The following APBA2 variants were observed in gnomAD, a reference collection of about 807,000 sequenced individuals.
APBA2 encodes amyloid beta precursor protein binding family A member 2.
Under a neutral mutation model 75.0 loss-of-function variants are expected in APBA2, and 30 were observed. The observed-to-expected ratio is 0.40, with a 90% CI of 0.30 to 0.54. APBA2 has a LOEUF of 0.54. Among genes scored for constraint, APBA2 ranks in the 20% least tolerant of loss-of-function variants. The probability of loss-of-function intolerance (pLI) is 0.49; values close to 1 mark genes in which losing one functional copy is unlikely to be tolerated. For synonymous variants in APBA2, 444 were observed against 409.6 expected (o/e 1.08, Z -1.01); for missense variants, 801 against 1,016.1 (o/e 0.79, Z 2.88).
chr15:29,091,940 C>T (rs1001380841), intron 6 of APBA2, among the ~76,000 whole-genome samples: 2 of 152,130 alleles, frequency 1.3e-5, no homozygotes, highest in Non-Finnish European at 2.9e-5. Flanking sequence ...CCAAAATCCC[C>T]AGTGGAAGGG....
At chr15:28,969,429 C>T (rs915394491) in intron 2 of APBA2, among the ~76,000 whole-genome samples, 1 of 152,086 alleles carries the variant, frequency 6.6e-6, no homozygotes, top group African/African-American at 2.4e-5. Context: ...ATCTGCCCAC[C>T]TTGGCCTCCC....
chr15:29,106,013 A>G (rs1194715995), intron 11 of APBA2, among the ~76,000 whole-genome samples: 1 of 152,190 alleles, frequency 6.6e-6, no homozygotes, highest in African/African-American at 2.4e-5. Context: ...CCATACCTGG[A>G]CTGTTTGTTA....
chr15:28,926,380 C>T (rs1226437630), intron 2 of APBA2, among the ~76,000 whole-genome samples: 1 of 152,068 alleles, frequency 6.6e-6, no homozygotes, highest in Non-Finnish European at 1.5e-5. Flanking sequence ...ATAATCTAAG[C>T]CCACCTTCAA....
At chr15:28,944,641 C>T (rs547350044) in intron 2 of APBA2, among the ~76,000 whole-genome samples, 5 of 152,312 alleles carry the variant, frequency 3.3e-5, no homozygotes, top group South Asian at 2.1e-4. Flanking sequence ...TGCTGCTCGG[C>T]GTGCCGAAGG....
chr15:28,943,124 C>T (rs2035330443), intron 2 of APBA2, among the ~76,000 whole-genome samples: 1 of 152,184 alleles, frequency 6.6e-6, no homozygotes, highest in Non-Finnish European at 1.5e-5. Flanking sequence ...AGACAGTGGC[C>T]TTCTACCTGA....
chr15:28,999,532 G>C (rs895905814), intron 3 of APBA2, among the ~76,000 whole-genome samples: 3 of 152,162 alleles, frequency 2.0e-5, no homozygotes, highest in Admixed American at 6.5e-5. Flanking sequence ...TAGAAAGTCT[G>C]ATAATCGAAG....
chr15:28,970,814 G>A (rs1566857804), intron 2 of APBA2, among the ~76,000 whole-genome samples: 2 of 151,944 alleles, frequency 1.3e-5, no homozygotes, highest in Non-Finnish European at 2.9e-5. Context: ...CCAGGGCTGG[G>A]GTTAAGTAGG....
At chr15:28,927,418 C>T (rs1252683488) in intron 2 of APBA2, among the ~76,000 whole-genome samples, 1 of 151,394 alleles carries the variant, frequency 6.6e-6, no homozygotes. Context: ...TGGCTTGGAT[C>T]TGTCATTAAT....
In APBA2 at chr15:29,093,224, G is replaced by C. The variant is rs370533934; in HGVS notation, c.1215+4G>C. Reference sequence around the variant, plus strand: ...GGAGGCCGTCAGCCGGGTCAAGGTAGAGGTGCTTCGAGGGCCCCTCGCGGA... The same window carrying C: ...GGAGGCCGTCAGCCGGGTCAAGGTACAGGTGCTTCGAGGGCCCCTCGCGGA... On this transcript the variant is annotated splice_donor_region_variant and intron_variant, in intron 7 of 14. Transcript: ENST00000683413. The C allele has an allele frequency of 1.6e-4, 251 of 1,614,030 alleles. No individual in the cohort carries two copies. Among genetic ancestry groups the C allele is most frequent in the Non-Finnish European group, 2.1e-4 (244 of 1,180,040 alleles).
intron 10 of APBA2, among the ~76,000 whole-genome samples, chr15:29,103,967 G>T (rs533942640): frequency 1.6e-4 from 24 of 152,322 alleles, no homozygotes; most frequent in Admixed American, 2.6e-4. Context: ...CTGGGTCTGT[G>T]CGCGCGGCAG....
Position 29,093,096 on chromosome 15 carries a change from A to C in APBA2, c.1091A>C (p.Glu364Ala). Reference protein sequence around the residue: ...FVAVPGPCEPEDLIDGIIFAA... With the variant: ...FVAVPGPCEPADLIDGIIFAA... ...TCAGTTCCAGGGCCCTGCGAACCAG[A>C]AGACCTCATCGACGGGATCATCTTT... The change falls in exon 7 of 15, where the codon GAA becomes GCA. Residue 364 changes from glutamate (E) to alanine (A), a missense_variant. By Grantham distance (107) the Glu-to-Ala change is moderately radical. This residue lies in a region of APBA2 where 367 missense variants were observed against 544.5 expected (regional missense o/e 0.67). Transcript: ENST00000683413. 1 of 1,614,260 alleles carries C rather than the reference A, an allele frequency of 6.2e-7. No individual in the cohort carries two copies. Among genetic ancestry groups the C allele is most frequent in the Non-Finnish European group, 8.5e-7 (1 of 1,180,050 alleles).
At chr15:29,058,366 A>T (rs2041993564) in intron 4 of APBA2, among the ~76,000 whole-genome samples, 3 of 151,960 alleles carry the variant, frequency 2.0e-5, no homozygotes, top group Non-Finnish European at 4.4e-5. Flanking sequence ...TAAAAATTAG[A>T]TGGGCATGGT....
intron 2 of APBA2, among the ~76,000 whole-genome samples, chr15:28,958,940 C>G (rs556935249): frequency 6.6e-6 from 1 of 151,886 alleles, no homozygotes; most frequent in South Asian, 2.1e-4. Flanking sequence ...TTAAACAAAT[C>G]TCTTCATTTT....
rs115973391 is a variant in APBA2, at chr15:29,061,370, C to T, written c.951+6535C>T. Among the ~76,000 whole-genome samples, 805 of 152,266 alleles carry T rather than the reference C, an allele frequency of 5.3e-3. 5 individuals carry two copies. Among genetic ancestry groups the T allele is most frequent in the African/African-American group, 0.018 (763 of 41,542 alleles). ...CCTTGTCCAGGACCTCCATGGCTAC[C>T]GAGTTGAGGTATTTGATTTACTCAG... On this transcript the variant is annotated intron_variant, in intron 4 of 14. Transcript: ENST00000683413.
intron 3 of APBA2, among the ~76,000 whole-genome samples, chr15:29,020,076 T>G (rs1396726852): frequency 6.6e-6 from 1 of 152,244 alleles, no homozygotes; most frequent in Admixed American, 6.5e-5. Context: ...TTCTCTTTGG[T>G]CAATTTCCCT....
At chr15:29,097,050 C>T (rs1363152666) in intron 8 of APBA2, among the ~76,000 whole-genome samples, 1 of 152,234 alleles carries the variant, frequency 6.6e-6, no homozygotes, top group Non-Finnish European at 1.5e-5. Flanking sequence ...ATTTGTGTGG[C>T]ACCTCTCTTG....
In APBA2 at chr15:29,053,951, G is replaced by C. The variant is rs1321437891; in HGVS notation, c.67G>C (p.Val23Leu). 6.2e-7 allele frequency: 1 copy of C among 1,613,926 alleles called. No homozygotes were observed. Among genetic ancestry groups the C allele is most frequent in the Non-Finnish European group, 8.5e-7 (1 of 1,180,008 alleles). ...MLDHRVRPGP[V>L]PHSQEPESED... ...GGACCATAGGGTGAGACCAGGTCCTGTCCCTCACAGCCAGGAGCCCGAGAG... is the reference window on the plus strand; with the variant it reads ...GGACCATAGGGTGAGACCAGGTCCTCTCCCTCACAGCCAGGAGCCCGAGAG... Residue 23 changes from valine to leucine, a missense_variant, in exon 4 of 15, where the codon GTC (valine) becomes CTC (leucine). Val to Leu is a conservative substitution (Grantham distance 32, BLOSUM62 1). Around this residue, in one of 2 missense-constraint regions of APBA2, gnomAD observed 434 missense variants for 471.6 expected, o/e 0.92. Transcript: ENST00000683413.
At chr15:28,931,496 T>A (rs558819524) in intron 2 of APBA2, among the ~76,000 whole-genome samples, 4 of 152,338 alleles carry the variant, frequency 2.6e-5, no homozygotes, top group African/African-American at 9.6e-5. Flanking sequence ...CCCTGTTCAC[T>A]GGGACCTGGT....
chr15:29,047,412 G>A (rs144830661), intron 3 of APBA2, among the ~76,000 whole-genome samples: 1 of 152,172 alleles, frequency 6.6e-6, no homozygotes, highest in Non-Finnish European at 1.5e-5. Context: ...AAGCCATATT[G>A]CAGCCTGAGG....
Sources: gnomAD v4.1 joint callset for allele counts (sites outside exome capture counted in the v4.1 genomes callset) on GRCh38, gnomAD v4.1.1 for gene constraint, gnomAD v4.1.1 regional missense constraint, MANE v1.5 for transcripts, NCBI Gene and HGNC (gene_info 2026-07-23, HGNC 2026-07-21) for gene names.